The following FNDC1 variants were observed in gnomAD, a reference collection of about 807,000 sequenced individuals.
FNDC1 encodes the protein fibronectin type III domain-containing protein 1.
FNDC1 carries 96 observed loss-of-function variants against 168.0 expected under a neutral mutation model. The ratio of observed to expected loss-of-function variants is 0.57; its 90% confidence interval spans 0.48 to 0.68. The LOEUF (loss-of-function observed/expected upper bound fraction) is 0.68. FNDC1 is among the 30% of genes least tolerant of loss of function. The pLI is 0.00. For missense variants in FNDC1, 2,587 were observed against 2,482.1 expected, an observed-to-expected ratio of 1.04 and a Z score of -0.90; for synonymous variants, 1,099 against 1,025.9, an observed-to-expected ratio of 1.07 and a Z score of -1.36.
At chr6:159,201,368 G>T (rs1018859661) in intron 4 of FNDC1, among the ~76,000 whole-genome samples, 1 of 152,192 alleles carries the variant, frequency 6.6e-6, no homozygotes, top group African/African-American at 2.4e-5. Context: ...GATAGTGTAG[G>T]TGGTCTTCAC....
rs1192097924 is a variant in FNDC1 at position 159,221,639 on chromosome 6, T to C, written c.709T>C (p.Ser237Pro). Residue 237 changes from serine to proline, a missense_variant, in exon 6 of 23, where the codon TCT (serine) becomes CCT (proline). Physicochemically the swap from Ser to Pro is moderately conservative, Grantham distance 74. Transcript: ENST00000297267. ...VYVVSLQSMNSQGRSQPVYRA... is the reference protein window; with the variant it reads ...VYVVSLQSMNPQGRSQPVYRA... ...TGTGGTCTCCCTGCAGTCCATGAAC[T>C]CTCAGGGCCGGAGCCAACCAGTCTA... 1 of 1,613,898 alleles carries C rather than the reference T, an allele frequency of 6.2e-7. No homozygotes were observed. Among genetic ancestry groups the C allele is most frequent in the Non-Finnish European group, 8.5e-7 (1 of 1,179,892 alleles).
intron 6 of FNDC1, among the ~76,000 whole-genome samples, chr6:159,223,296 G>A (rs985790350): frequency 1.1e-4 from 16 of 151,710 alleles, no homozygotes; most frequent in African/African-American, 3.6e-4. Context: ...ACACCTGGCC[G>A]AAATGCTCAT....
intron 21 of FNDC1, 102 bp downstream of exon 21, chr6:159,266,347 G>A: frequency 8.3e-7 from 1 of 1,207,118 alleles, no homozygotes. Context: ...ATGAGGGCTG[G>A]AGCTACGACT....
At chr6:159,244,696 A>C (rs1407155587) in intron 14 of FNDC1, among the ~76,000 whole-genome samples, 1 of 152,216 alleles carries the variant, frequency 6.6e-6, no homozygotes, top group African/African-American at 2.4e-5. Context: ...TTTACAAATA[A>C]TTTTATTGGT....
intron 1 of FNDC1, among the ~76,000 whole-genome samples, chr6:159,173,067 G>T (rs73799312): frequency 6.6e-6 from 1 of 151,992 alleles, no homozygotes; most frequent in South Asian, 2.1e-4. Context: ...ACATATTTTC[G>T]TTTTAATTCC....
chr6:159,177,217 A>G (rs1446367386), intron 1 of FNDC1, among the ~76,000 whole-genome samples: 2 of 152,156 alleles, frequency 1.3e-5, no homozygotes, highest in Non-Finnish European at 2.9e-5. Flanking sequence ...AAATAAATGG[A>G]CACAGTTTAC....
intron 14 of FNDC1, 62 bp from the exon 15 acceptor site, chr6:159,246,839 C>A: frequency 1.7e-6 from 2 of 1,211,412 alleles, no homozygotes; most frequent in South Asian, 1.2e-5. Flanking sequence ...CTGGGGCCTG[C>A]TTCTGAGAGA....
In FNDC1 at chr6:159,232,073, C is replaced by T. The variant is rs369480414; in HGVS notation, c.1561C>T (p.Arg521Ter). 2.5e-6 allele frequency: 4 copies of T among 1,613,584 alleles called. No homozygotes were observed. The highest frequency in any genetic ancestry group is 2.2e-5 in the East Asian group (1 of 44,886). ...NKILANGGAPRKPQLRAKKAE... is the reference protein window; with the variant it reads ...NKILANGGAP Reference sequence around the variant, plus strand: ...AATATTGGCTAATGGTGGGGCGCCCCGAAAACCCCAGCTTCGCGCCAAGAA... The same window carrying T: ...AATATTGGCTAATGGTGGGGCGCCCTGAAAACCCCAGCTTCGCGCCAAGAA... Residue 521 changes from arginine to a stop codon, truncating the protein, a stop_gained, in exon 11 of 23, where the codon CGA becomes TGA. Coordinates refer to ENST00000297267, the MANE Select transcript of FNDC1 (RefSeq NM_032532.3). LOFTEE classifies it high-confidence loss of function. The surrounding 1 kb of genome is among the most constrained non-coding windows in gnomAD (Gnocchi z 4.9).
At chr6:159,242,731 A>T in intron 14 of FNDC1, among the ~76,000 whole-genome samples, 1 of 152,326 alleles carries the variant, frequency 6.6e-6, no homozygotes, top group African/African-American at 2.4e-5. Flanking sequence ...AACCACTAAC[A>T]TACTTTCTCT....
intron 4 of FNDC1, among the ~76,000 whole-genome samples, chr6:159,206,860 CCCT>C (rs1399634657): frequency 3.3e-5 from 5 of 152,308 alleles, no homozygotes; most frequent in African/African-American, 1.2e-4. Context: ...GCCCACTACT[CCCT>C]CCCAAGGAAG....
At chr6:159,253,077 T>G (rs1224816016) in intron 17 of FNDC1, among the ~76,000 whole-genome samples, 1 of 152,170 alleles carries the variant, frequency 6.6e-6, no homozygotes. Context: ...CATTCAAAGC[T>G]CCCTAGAGCC....
chr6:159,235,026 G>C lies in FNDC1; in HGVS notation c.3967+547G>C, dbSNP rs1294055511. Among the ~76,000 whole-genome samples, 3 of 152,198 alleles carry C rather than the reference G, an allele frequency of 2.0e-5. No individual in the cohort carries two copies. In the East Asian group the frequency reaches 5.8e-4, roughly 29 times the overall value. The stretch of plus-strand genomic sequence containing the variant: ...CAAAACTCTCAACCAAACAAACCCT[G>C]AGACAAACTCAGATATCTTGGGTAT... On this transcript the variant is annotated intron_variant, in intron 11 of 22. Coordinates refer to ENST00000297267, the MANE Select transcript of FNDC1 (RefSeq NM_032532.3).
At chr6:159,267,214 GTC>G (rs35049380) in intron 21 of FNDC1, among the ~76,000 whole-genome samples, 36 of 149,634 alleles carry the variant, frequency 2.4e-4, no homozygotes, top group Non-Finnish European at 3.1e-4. Context: ...AGTACGGTCT[GTC>G]TCTCTCTCTC....
Position 159,233,928 on chromosome 6 carries a change from G to A in FNDC1, c.3416G>A (p.Ser1139Asn). 1.3e-6 allele frequency: 2 copies of A among 1,552,360 alleles called. No individual in the cohort carries two copies. The highest frequency in any genetic ancestry group is 1.2e-5 in the South Asian group (1 of 84,422). The change falls in exon 11 of 23, where the codon AGC becomes AAC. Residue 1139 changes from serine (S) to asparagine (N), a missense_variant. Ser to Asn is a conservative substitution (Grantham distance 46, BLOSUM62 1). Coordinates refer to ENST00000297267, the MANE Select transcript of FNDC1 (RefSeq NM_032532.3). The surrounding 1 kb of genome is among the most constrained non-coding windows in gnomAD (Gnocchi z 4.6). ...CATGCGGCCTCCCCCGCCAGGCCCA[G>A]CCGACCCGGCGGCCCCCAGTCCCGC... is the stretch of plus-strand genomic sequence containing the variant. Reference protein sequence around the residue: ...RGHAASPARPSRPGGPQSRAR... With the variant: ...RGHAASPARPNRPGGPQSRAR...
chr6:159,181,881 CCTT>C (rs1422442586), intron 1 of FNDC1, among the ~76,000 whole-genome samples: 5 of 152,334 alleles, frequency 3.3e-5, no homozygotes, highest in South Asian at 2.1e-4. Flanking sequence ...CAGCCTTTGA[CCTT>C]CTTGATGATA....
At position 159,266,124 on chromosome 6, in the gene FNDC1, T is replaced by C. The variant is rs943981982; in HGVS notation, c.5325T>C (p.Asp1775=). Residue 1775 remains aspartate (D), a synonymous_variant, in exon 21 of 23, where the codon GAT becomes GAC. Coordinates refer to ENST00000297267, the MANE Select transcript of FNDC1 (RefSeq NM_032532.3). ...PIWIPFAFKH[D]PSYTDCHGRQ... is the part of the protein sequence containing the mutation. Reference sequence around the variant, plus strand: ...GGATCCCATTCGCTTTCAAACATGATCCCAGCTACACGGACTGCCATGGAC... The same window carrying C: ...GGATCCCATTCGCTTTCAAACATGACCCCAGCTACACGGACTGCCATGGAC... The C allele has an allele frequency of 2.0e-5, 33 of 1,613,762 alleles. No homozygotes were observed. Among genetic ancestry groups the C allele is most frequent in the Non-Finnish European group, 2.6e-5 (31 of 1,179,852 alleles).
intron 1 of FNDC1, among the ~76,000 whole-genome samples, chr6:159,172,185 T>G (rs1437492887): frequency 6.6e-6 from 1 of 152,248 alleles, no homozygotes; most frequent in Non-Finnish European, 1.5e-5. Context: ...ACACATAAGT[T>G]ACTACTGCTG....
chr6:159,191,705 T>C (rs755528774), intron 1 of FNDC1, among the ~76,000 whole-genome samples: 8 of 152,236 alleles, frequency 5.3e-5, no homozygotes, highest in Non-Finnish European at 1.0e-4. Flanking sequence ...AAAGTATTCA[T>C]TTATTCACCT....
intron 6 of FNDC1, among the ~76,000 whole-genome samples, chr6:159,223,142 C>A (rs1782870353): frequency 6.6e-6 from 1 of 151,990 alleles, no homozygotes; most frequent in Non-Finnish European, 1.5e-5. Context: ...ACTACAGGCA[C>A]CCGCCACCAC....
Sources: allele counts gnomAD v4.1 joint callset (sites outside exome capture counted in the v4.1 genomes callset), GRCh38; gene constraint gnomAD v4.1.1; non-coding constraint Gnocchi (gnomAD v3.1); transcripts MANE v1.5; gene names NCBI Gene and HGNC (gene_info 2026-07-23, HGNC 2026-07-21).